SGCZ: variants seen among roughly 807,000 people sequenced by gnomAD.
SGCZ encodes the protein zeta-sarcoglycan.
In SGCZ, 40 loss-of-function variants were observed where a neutral mutation model predicts 41.3. The observed-to-expected ratio is 0.97, with a 90% confidence interval of 0.75 to 1.26. SGCZ has a LOEUF of 1.26. Among genes scored for constraint, SGCZ ranks in the 50% most tolerant of loss-of-function variants. The probability of loss-of-function intolerance (pLI) is 0.00; values close to 1 mark genes in which losing one functional copy is unlikely to be tolerated. For missense variants in SGCZ, 552 were observed against 369.8 expected (o/e 1.49, Z -4.04); for synonymous variants, 206 against 137.5 (o/e 1.50, Z -3.49).
At position 14,091,793 on chromosome 8, in the gene SGCZ, G is replaced by C. The variant is rs138997485; in HGVS notation, c.745-1156C>G. 4.3e-3 allele frequency among the ~76,000 whole-genome samples: 651 copies of C among 152,248 alleles called. 4 individuals carry two copies. Among genetic ancestry groups the C allele is most frequent in the African/African-American group, 0.015 (616 of 41,546 alleles). On this transcript the variant is annotated intron_variant, in intron 7 of 7. Coordinates refer to ENST00000382080, the MANE Select transcript of SGCZ (RefSeq NM_139167.4). ...ATTCTGTAGGTTGCCTGTTCACTCT[G>C]ATGATAGTTTCTTTTGCTGGGCAGA... is the stretch of plus-strand genomic sequence containing the variant.
intron 3 of SGCZ, among the ~76,000 whole-genome samples, chr8:14,282,847 CT>C (rs1168778028): frequency 0.16 from 14,117 of 89,016 alleles, 349 homozygotes; most frequent in South Asian, 0.28. Context: ...CTTTCAAATA[CT>C]TTTTTTTTTT....
At chr8:15,090,189 C>G (rs946639973) in intron 1 of SGCZ, among the ~76,000 whole-genome samples, 2 of 152,088 alleles carry the variant, frequency 1.3e-5, no homozygotes, top group African/African-American at 4.8e-5. Context: ...CCACAAGAAG[C>G]AAATTTAGTC....
At chr8:14,964,948 C>T (rs1801084292) in intron 1 of SGCZ, among the ~76,000 whole-genome samples, 1 of 152,138 alleles carries the variant, frequency 6.6e-6, no homozygotes, top group South Asian at 2.1e-4. Flanking sequence ...CCACTCAACT[C>T]GCTTGTGGGA....
At chr8:14,254,154 T>C (rs932089089) in intron 3 of SGCZ, among the ~76,000 whole-genome samples, 1 of 152,188 alleles carries the variant, frequency 6.6e-6, no homozygotes, top group Non-Finnish European at 1.5e-5. Flanking sequence ...ACTTATCTCG[T>C]TGCTTATAAT....
At chr8:15,122,005 T>A (rs1197698306) in intron 1 of SGCZ, among the ~76,000 whole-genome samples, 3 of 151,728 alleles carry the variant, frequency 2.0e-5, no homozygotes, top group African/African-American at 7.3e-5. Flanking sequence ...AACATAAATG[T>A]AATACAAAAA....
intron 1 of SGCZ, among the ~76,000 whole-genome samples, chr8:14,570,210 G>A (rs1258953272): frequency 6.6e-6 from 1 of 152,120 alleles, no homozygotes; most frequent in African/African-American, 2.4e-5. Flanking sequence ...AATACTTACT[G>A]AATAAACAAA....
At position 14,947,095 on chromosome 8, in the gene SGCZ, G is replaced by A. The variant is rs371402607; in HGVS notation, c.39+290490C>T. 4.0e-3 allele frequency among the ~76,000 whole-genome samples: 610 copies of A among 152,184 alleles called. 6 individuals are homozygous for A. Among genetic ancestry groups the A allele is most frequent in the African/African-American group, 0.014 (573 of 41,514 alleles). On this transcript the variant is annotated intron_variant, in intron 1 of 7. Transcript: ENST00000382080. ...CTGAAAAAAAAGAAAAGTAACCCCA[G>A]TACATCAATAGAGTTTAATCCAACT...
At chr8:14,393,468 A>T (rs1804859139) in intron 2 of SGCZ, among the ~76,000 whole-genome samples, 1 of 152,142 alleles carries the variant, frequency 6.6e-6, no homozygotes. Flanking sequence ...ACATAATAAG[A>T]TTACGGTGGG....
chr8:14,930,700 G>A (rs902125504), intron 1 of SGCZ, among the ~76,000 whole-genome samples: 2 of 151,930 alleles, frequency 1.3e-5, no homozygotes, highest in African/African-American at 4.8e-5. Context: ...CATGGATGAC[G>A]CTGGAAACCA....
At chr8:14,240,588 C>T (rs1798846316) in intron 3 of SGCZ, among the ~76,000 whole-genome samples, 1 of 151,928 alleles carries the variant, frequency 6.6e-6, no homozygotes, top group East Asian at 1.9e-4. Context: ...GTGTAGCTCT[C>T]AGAGGTAGTG....
chr8:14,169,426 A>G (rs896120404), intron 4 of SGCZ, among the ~76,000 whole-genome samples: 1 of 152,106 alleles, frequency 6.6e-6, no homozygotes, highest in Non-Finnish European at 1.5e-5. Flanking sequence ...CAGTATTACC[A>G]GTAACTTCCA....
At chr8:14,479,288 C>CGTA (rs1801453708) in intron 2 of SGCZ, among the ~76,000 whole-genome samples, 1 of 151,972 alleles carries the variant, frequency 6.6e-6, no homozygotes, top group African/African-American at 2.4e-5. Context: ...TGCAGTCTAA[C>CGTA]GTTCAACGGC....
chr8:14,229,212 T>A (rs1434566725), intron 4 of SGCZ, among the ~76,000 whole-genome samples: 1 of 152,136 alleles, frequency 6.6e-6, no homozygotes, highest in Non-Finnish European at 1.5e-5. Context: ...TATTTCTGTT[T>A]GTAGGACACA....
intron 1 of SGCZ, among the ~76,000 whole-genome samples, chr8:14,967,360 A>T (rs969227613): frequency 3.5e-4 from 54 of 152,156 alleles, no homozygotes; most frequent in Non-Finnish European, 6.0e-4. Context: ...GTGCACACAC[A>T]GATTCTTACA....
At chr8:14,845,783 T>A (rs1267272351) in intron 1 of SGCZ, among the ~76,000 whole-genome samples, 3 of 151,758 alleles carry the variant, frequency 2.0e-5, no homozygotes, top group Non-Finnish European at 4.4e-5. Context: ...AATATCCAGA[T>A]AAAACAAAGA....
At chr8:15,028,030 G>A (rs1324041710) in intron 1 of SGCZ, among the ~76,000 whole-genome samples, 1 of 152,030 alleles carries the variant, frequency 6.6e-6, no homozygotes, top group Non-Finnish European at 1.5e-5. Flanking sequence ...AAATGGTAGA[G>A]TCAGATTTTG....
chr8:15,097,031 T>A (rs1342438256), intron 1 of SGCZ, among the ~76,000 whole-genome samples: 1 of 152,042 alleles, frequency 6.6e-6, no homozygotes, highest in Non-Finnish European at 1.5e-5. Context: ...TGCCCAAGCT[T>A]GTCTTTAACC....
rs1046623811 is a variant in SGCZ at position 14,734,281 on chromosome 8, G to A, written c.40-179355C>T. Among the ~76,000 whole-genome samples, 3 of 152,184 alleles carry A rather than the reference G, an allele frequency of 2.0e-5. No homozygotes were observed. The South Asian group carries it at 6.2e-4, about 32-fold the overall frequency. On this transcript the variant is annotated intron_variant, in intron 1 of 7. Transcript: ENST00000382080. The stretch of plus-strand genomic sequence containing the variant: ...AATTTAGCATAAGATGGTAGGAAGA[G>A]AAAATAAGATATCTACAAAATTGTA...
chr8:14,662,588 C>T (rs904136714), intron 1 of SGCZ, among the ~76,000 whole-genome samples: 1 of 152,188 alleles, frequency 6.6e-6, no homozygotes, highest in Non-Finnish European at 1.5e-5. Context: ...TTTAACCTGA[C>T]TGGGTCCCTG....
Sources: allele counts gnomAD v4.1 joint callset (sites outside exome capture counted in the v4.1 genomes callset), GRCh38; gene constraint gnomAD v4.1.1; transcripts MANE v1.5; gene names NCBI Gene and HGNC (gene_info 2026-07-23, HGNC 2026-07-21).